The following PRDM1 variants were observed in gnomAD, a reference collection of about 807,000 sequenced individuals.
The protein encoded by PRDM1 is PR/SET domain 1.
Under a neutral mutation model 62.8 loss-of-function variants are expected in PRDM1, and 13 were observed. The observed-to-expected ratio is 0.21, with a 90% confidence interval of 0.13 to 0.33. The LOEUF (loss-of-function observed/expected upper bound fraction) is 0.33, where lower values mean the gene tolerates loss of function less well. Among genes scored for constraint, PRDM1 ranks in the 10% least tolerant of loss-of-function variants. The pLI, the probability that PRDM1 is intolerant of heterozygous loss-of-function variation, is 1.00. For synonymous variants in PRDM1, 396 were observed against 417.6 expected (o/e 0.95, Z 0.63); for missense variants, 895 against 1,058.8 (o/e 0.85, Z 2.15).
chr6:106,061,088 G>T (rs910498973), intron 1 of PRDM1, among the ~76,000 whole-genome samples: 1 of 152,214 alleles, frequency 6.6e-6, no homozygotes, highest in Non-Finnish European at 1.5e-5. Context: ...TTCTCTTTCC[G>T]GTTTTTAGCC....
At chr6:106,087,398 C>G (rs1378051776) in intron 1 of PRDM1, among the ~76,000 whole-genome samples, 1 of 152,198 alleles carries the variant, frequency 6.6e-6, no homozygotes, top group Non-Finnish European at 1.5e-5. Context: ...AAGGAATTCT[C>G]TCCAGGGAAT....
At chr6:106,027,020 GCCCCCAGTACTC>G (rs1207063687) in intron 1 of PRDM1, among the ~76,000 whole-genome samples, 1 of 152,172 alleles carries the variant, frequency 6.6e-6, no homozygotes, top group African/African-American at 2.4e-5. Flanking sequence ...CCCTCTCTCA[GCCCCCAGTACTC>G]CCACGTTGTT....
At chr6:106,074,236 C>G (rs570140107) in intron 1 of PRDM1, among the ~76,000 whole-genome samples, 1 of 152,102 alleles carries the variant, frequency 6.6e-6, no homozygotes, top group Non-Finnish European at 1.5e-5. Flanking sequence ...TAGGCCTATA[C>G]GCATAACTGA....
At chr6:106,087,670 G>C (rs1053766048) in intron 1 of PRDM1, 1 of 232,984 alleles carries the variant, frequency 4.3e-6, no homozygotes, top group Non-Finnish European at 8.5e-6. Context: ...GTTGGGAGCT[G>C]GTGGGAAAGT....
chr6:106,009,121 G>A (rs1375460292), intron 1 of PRDM1, among the ~76,000 whole-genome samples: 6 of 152,158 alleles, frequency 3.9e-5, no homozygotes, highest in Admixed American at 3.9e-4. Context: ...TAGAACACTT[G>A]CGTAGGGGGT....
intron 1 of PRDM1, among the ~76,000 whole-genome samples, chr6:106,068,312 G>A (rs1248373255): frequency 2.0e-5 from 3 of 151,964 alleles, no homozygotes; most frequent in Non-Finnish European, 2.9e-5. Flanking sequence ...GGCTGGTTTC[G>A]AACTCCTGAC....
At chr6:106,092,270 G>C (rs1237222389) in intron 2 of PRDM1, among the ~76,000 whole-genome samples, 1 of 152,164 alleles carries the variant, frequency 6.6e-6, no homozygotes, top group Non-Finnish European at 1.5e-5. Flanking sequence ...TCCGGAAGCT[G>C]TGGAAACTGT....
At chr6:105,999,976 A>T (rs978106616) in intron 1 of PRDM1, among the ~76,000 whole-genome samples, 3 of 152,036 alleles carry the variant, frequency 2.0e-5, no homozygotes, top group African/African-American at 2.4e-5. Context: ...CAGCCTCCCA[A>T]GTAGCTGGGA....
Position 106,086,387 on chromosome 6 carries a change from G to A in PRDM1, c.-167G>A, listed in dbSNP as rs555016204. On this transcript the variant is annotated 5_prime_UTR_variant, in exon 1 of 7. Coordinates refer to ENST00000369096, the MANE Select transcript of PRDM1 (RefSeq NM_001198.4). ...CTCGGCCCTCCAGTGTTGCGGAGAG[G>A]CAAGAGCAGCGACCGCGGCACCTGT... 15 of 596,444 alleles carry A rather than the reference G, an allele frequency of 2.5e-5. No individual in the cohort carries two copies. The highest frequency in any genetic ancestry group is 3.6e-5 in the Non-Finnish European group (12 of 333,166). The allele number at this position is 596,444 out of a possible 1,614,324, so 36.9% of individuals were successfully genotyped here. A position where few individuals can be genotyped will look rare whatever the true frequency, so the allele number is the denominator to read the frequency against.
intron 1 of PRDM1, among the ~76,000 whole-genome samples, chr6:106,063,344 T>A (rs1773376209): frequency 6.6e-6 from 1 of 152,154 alleles, no homozygotes. Context: ...CTTAATTGTA[T>A]CCTGCCTATA....
Position 106,008,154 on chromosome 6 carries a change from C to T in PRDM1, c.-67+14515C>T, listed in dbSNP as rs544808043. On this transcript the variant is annotated intron_variant, in intron 1 of 6. Transcript: ENST00000652320. ...TTGGGAGGCTGAGGTGGGTGGATCACGAGGTCAAGAGATCGAGACCATCCT... is the reference window on the plus strand; with the variant it reads ...TTGGGAGGCTGAGGTGGGTGGATCATGAGGTCAAGAGATCGAGACCATCCT... Among the ~76,000 whole-genome samples, 8 of 152,260 alleles carry T rather than the reference C, an allele frequency of 5.3e-5. No individual in the cohort carries two copies. In the South Asian group the frequency reaches 1.7e-3, roughly 32 times the overall value.
At chr6:106,072,313 G>A (rs1409083926) in intron 1 of PRDM1, 1 of 152,170 alleles carries the variant, frequency 6.6e-6, no homozygotes, top group Non-Finnish European at 1.5e-5. Flanking sequence ...GCTATTTTGG[G>A]GTGTAATATG....
chr6:106,086,013 T>G (rs1773790320), upstream of PRDM1, among the ~76,000 whole-genome samples: 1 of 152,168 alleles, frequency 6.6e-6, no homozygotes, highest in Non-Finnish European at 1.5e-5. Context: ...AGAAACTGTG[T>G]AGGTAAATTT....
intron 1 of PRDM1, among the ~76,000 whole-genome samples, chr6:106,065,794 G>A (rs890967393): frequency 2.0e-5 from 3 of 152,198 alleles, no homozygotes; most frequent in Non-Finnish European, 2.9e-5. Context: ...TTGAACCCAT[G>A]ACTTCCAAAA....
At position 106,109,322 on chromosome 6, in the gene PRDM1, T is replaced by C. The variant is rs187033728; in HGVS notation, c.*1836T>C. 128 of 232,958 alleles carry C rather than the reference T, an allele frequency of 5.5e-4. No individual in the cohort carries two copies. The East Asian group carries it at 5.7e-3, about 10-fold the overall frequency. The allele number at this position is 232,958 out of a possible 1,614,324, so 14.4% of individuals were successfully genotyped here. Reference sequence around the variant, plus strand: ...TTTTTTTTTTGCCACTTTATGATTATGTGGTCACACCCAAGTCACAGAAAT... The same window carrying C: ...TTTTTTTTTTGCCACTTTATGATTACGTGGTCACACCCAAGTCACAGAAAT... On this transcript the variant is annotated 3_prime_UTR_variant, in exon 7 of 7. Coordinates refer to ENST00000369096, the MANE Select transcript of PRDM1 (RefSeq NM_001198.4).
chr6:106,096,047 A>G (rs546439635), intron 3 of PRDM1: 4 of 242,162 alleles, frequency 1.7e-5, no homozygotes, highest in Admixed American at 4.9e-5. Flanking sequence ...TTTCTCCGCA[A>G]GGAAGTAGTA....
intron 1 of PRDM1, among the ~76,000 whole-genome samples, chr6:106,017,931 AGAAATGATATT>A (rs1383427895): frequency 2.0e-5 from 3 of 152,128 alleles, no homozygotes; most frequent in Non-Finnish European, 4.4e-5. Flanking sequence ...TGGCTTTTGG[AGAAATGATATT>A]GAACATGGTG....
chr6:106,079,026 T>A (rs868733807), intron 1 of PRDM1, among the ~76,000 whole-genome samples: 1 of 151,976 alleles, frequency 6.6e-6, no homozygotes, highest in Non-Finnish European at 1.5e-5. Flanking sequence ...AGTGGCGCGA[T>A]CTCAGCTTAC....
In PRDM1 at chr6:106,099,443, C is replaced by T. The variant is rs1774203555; in HGVS notation, c.555C>T (p.Tyr185=). The T allele has an allele frequency of 1.2e-6, 2 of 1,614,094 alleles. No homozygotes were observed. Among genetic ancestry groups the T allele is most frequent in the Non-Finnish European group, 1.7e-6 (2 of 1,180,054 alleles). The change falls in exon 4 of 7, where the codon TAC becomes TAT. Residue 185 remains tyrosine, a synonymous_variant. Transcript: ENST00000369096. ...ACQNGMNIYF[Y]TIKPIPANQE... ...AGAACGGGATGAACATCTACTTCTACACCATTAAGCCCATCCCTGCCAACC... is the reference window on the plus strand; with the variant it reads ...AGAACGGGATGAACATCTACTTCTATACCATTAAGCCCATCCCTGCCAACC...
Sources: allele counts gnomAD v4.1 joint callset (sites outside exome capture counted in the v4.1 genomes callset), GRCh38; gene constraint gnomAD v4.1.1; transcripts MANE v1.5; gene names NCBI Gene and HGNC (gene_info 2026-07-23, HGNC 2026-07-21).